PDGFD: variants seen among roughly 807,000 people sequenced by gnomAD.
PDGFD encodes the protein platelet-derived growth factor D.
Under a neutral mutation model 44.7 loss-of-function variants are expected in PDGFD, and 30 were observed. The ratio of observed to expected loss-of-function variants is 0.67; its 90% confidence interval spans 0.50 to 0.91. The LOEUF (loss-of-function observed/expected upper bound fraction) is 0.91, where lower values mean the gene tolerates loss of function less well. PDGFD is among the 40% of genes least tolerant of loss of function. The pLI, the probability that PDGFD is intolerant of heterozygous loss-of-function variation, is 0.00. For synonymous variants in PDGFD, 173 were observed against 168.4 expected (o/e 1.03, Z -0.21); for missense variants, 445 against 457.8 (o/e 0.97, Z 0.25).
chr11:104,137,183 T>C (rs1862019676), intron 1 of PDGFD, among the ~76,000 whole-genome samples: 1 of 152,196 alleles, frequency 6.6e-6, no homozygotes, highest in African/African-American at 2.4e-5. Flanking sequence ...TTTAAATCTT[T>C]CTGTTGTTTA....
chr11:104,033,049 GGTGTGTGTGTGTGT>G (rs34144830), intron 1 of PDGFD, among the ~76,000 whole-genome samples: 3 of 146,272 alleles, frequency 2.1e-5, no homozygotes, highest in South Asian at 2.2e-4. Flanking sequence ...TATGTTTAGG[GGTGTGTGTGTGTGT>G]GTGTGTGTGT....
At chr11:103,963,380 T>G (rs918780783) in intron 3 of PDGFD, among the ~76,000 whole-genome samples, 6 of 152,028 alleles carry the variant, frequency 3.9e-5, no homozygotes, top group African/African-American at 1.2e-4. Context: ...AAAGAGGAGA[T>G]TTTTCAGGTT....
At chr11:103,919,629 C>T (rs138164485) in intron 6 of PDGFD, among the ~76,000 whole-genome samples, 2 of 151,346 alleles carry the variant, frequency 1.3e-5, no homozygotes, top group African/African-American at 2.4e-5. Flanking sequence ...CTGCCTCAGC[C>T]TCCCAAGTAG....
At chr11:104,088,121 C>T (rs555465505) in intron 1 of PDGFD, among the ~76,000 whole-genome samples, 11 of 152,200 alleles carry the variant, frequency 7.2e-5, no homozygotes, top group Admixed American at 2.6e-4. Context: ...TGACTATACA[C>T]AAATGACTAT....
chr11:104,130,152 C>A (rs1321840178), intron 1 of PDGFD, among the ~76,000 whole-genome samples: 1 of 152,030 alleles, frequency 6.6e-6, no homozygotes, highest in African/African-American at 2.4e-5. Flanking sequence ...CTGCAATCTG[C>A]AGAAATTCAA....
intron 1 of PDGFD, among the ~76,000 whole-genome samples, chr11:104,002,843 C>T (rs1029210905): frequency 6.6e-6 from 1 of 151,972 alleles, no homozygotes; most frequent in African/African-American, 2.4e-5. Context: ...AAACTTTATG[C>T]CAATAATGTA....
Position 104,164,092 on chromosome 11 carries a change from C to G in PDGFD, c.-165G>C. ...CTCCCCAAACTTCCTGCATGCTGAA[C>G]TTTCCGAGCGCGTGTGGGTGCCGCA... On this transcript the variant is annotated 5_prime_UTR_variant, in exon 1 of 7. Coordinates refer to ENST00000393158, the MANE Select transcript of PDGFD (RefSeq NM_025208.5). 3.1e-6 allele frequency: 2 copies of G among 649,428 alleles called. No homozygotes were observed. Among genetic ancestry groups the G allele is most frequent in the South Asian group, 3.8e-5 (1 of 26,128 alleles). The allele number at this position is 649,428 out of a possible 1,614,324, so 40.2% of individuals were successfully genotyped here.
chr11:103,997,998 T>C (rs1859561383), intron 2 of PDGFD, among the ~76,000 whole-genome samples: 1 of 152,124 alleles, frequency 6.6e-6, no homozygotes, highest in Non-Finnish European at 1.5e-5. Flanking sequence ...ATCCTCACTG[T>C]TCCTCCCTTA....
intron 1 of PDGFD, among the ~76,000 whole-genome samples, chr11:104,142,134 T>A (rs540733668): frequency 3.9e-5 from 6 of 152,294 alleles, no homozygotes; most frequent in African/African-American, 1.4e-4. Flanking sequence ...ATCCTTATAA[T>A]ACACATAACA....
chr11:104,100,882 C>T (rs1043654375), intron 1 of PDGFD, among the ~76,000 whole-genome samples: 14 of 152,028 alleles, frequency 9.2e-5, no homozygotes, highest in African/African-American at 2.7e-4. Context: ...GCAGAAAAGG[C>T]CTTTGACAAA....
rs150551133 is a variant in PDGFD at position 103,911,316 on chromosome 11, A to C, written c.988-1497T>G. ...GACATCTCCCATTAGGGGCCAATAG[A>C]CATTTCATACAGGAGACAGGGTCTG... is the stretch of plus-strand genomic sequence containing the variant. On this transcript the variant is annotated intron_variant, in intron 6 of 6. Transcript: ENST00000393158. Among the ~76,000 whole-genome samples the C allele has an allele frequency of 2.0e-5, 3 of 152,226 alleles. No homozygotes were observed. The East Asian group carries it at 5.8e-4, about 30-fold the overall frequency.
intron 1 of PDGFD, among the ~76,000 whole-genome samples, chr11:104,099,055 A>C (rs181114831): frequency 5.9e-5 from 9 of 152,286 alleles, no homozygotes; most frequent in Admixed American, 5.9e-4. Flanking sequence ...GCTTTCTCAG[A>C]GCCAGTTCTC....
At chr11:103,932,392 AG>A (rs1858417637) in intron 5 of PDGFD, among the ~76,000 whole-genome samples, 1 of 152,216 alleles carries the variant, frequency 6.6e-6, no homozygotes, top group Admixed American at 6.5e-5. Flanking sequence ...AAGGTAGGCT[AG>A]GCTTAGCTAC....
chr11:104,039,558 C>T lies in PDGFD; in HGVS notation c.125-39303G>A, dbSNP rs114876692. ...TTTCTTCTCTATAGGTGTTCCCATG[C>T]TCACATTTCCCAGTCTGGTCTACAT... On this transcript the variant is annotated intron_variant, in intron 1 of 6. Coordinates refer to ENST00000393158, the MANE Select transcript of PDGFD (RefSeq NM_025208.5). Among the ~76,000 whole-genome samples the T allele has an allele frequency of 6.6e-3, 999 of 152,234 alleles. 17 individuals carry two copies. Among genetic ancestry groups the T allele is most frequent in the African/African-American group, 0.023 (943 of 41,544 alleles).
At chr11:104,119,949 AAG>A (rs1370694008) in intron 1 of PDGFD, among the ~76,000 whole-genome samples, 3 of 135,252 alleles carry the variant, frequency 2.2e-5, no homozygotes, top group African/African-American at 5.4e-5. Flanking sequence ...TATAATATAT[AAG>A]TTATTATATA....
intron 1 of PDGFD, among the ~76,000 whole-genome samples, chr11:104,087,556 C>CTT (rs1352873454): frequency 6.6e-6 from 1 of 152,092 alleles, no homozygotes; most frequent in African/African-American, 2.4e-5. Context: ...TCTGACATGT[C>CTT]TAAAAAACAA....
Position 104,079,794 on chromosome 11 carries a change from G to GAT in PDGFD, c.125-79541_125-79540dup, listed in dbSNP as rs919651543. ...TAGGTGAAAAATTAATCTTTGCATA[G>GAT]ATATATATATATAAAACCACATCCA... On this transcript the variant is annotated intron_variant, in intron 1 of 6. Transcript: ENST00000393158. Among the ~76,000 whole-genome samples the GAT allele has an allele frequency of 1.3e-4, 15 of 112,874 alleles. 1 individual carries two copies. Among genetic ancestry groups the GAT allele is most frequent in the South Asian group, 5.5e-4 (2 of 3,646 alleles). The allele number at this position is 112,874 out of a possible 152,430, so 74.0% of individuals were successfully genotyped here. A position where few individuals can be genotyped will look rare whatever the true frequency, so the allele number is the denominator to read the frequency against.
chr11:103,957,793 G>A (rs1217022952), intron 3 of PDGFD, among the ~76,000 whole-genome samples: 1 of 151,318 alleles, frequency 6.6e-6, no homozygotes, highest in Non-Finnish European at 1.5e-5. Flanking sequence ...GGATCAGCGT[G>A]TTTGCAGATA....
intron 1 of PDGFD, chr11:104,036,745 C>A: frequency 8.6e-7 from 1 of 1,158,892 alleles, no homozygotes; most frequent in Non-Finnish European, 1.3e-6. Flanking sequence ...AGCAGCGGCA[C>A]CAACGACGCA....
Sources: allele counts gnomAD v4.1 joint callset (sites outside exome capture counted in the v4.1 genomes callset), GRCh38; gene constraint gnomAD v4.1.1; transcripts MANE v1.5; gene names NCBI Gene and HGNC (gene_info 2026-07-23, HGNC 2026-07-21).